The following FHOD3 variants were observed in gnomAD, a reference collection of about 807,000 sequenced individuals.
FHOD3 encodes the protein formin homology 2 domain containing 3.
In FHOD3, 90 loss-of-function variants were observed where a neutral mutation model predicts 173.0. The ratio of observed to expected loss-of-function variants is 0.52; its 90% CI spans 0.44 to 0.62. The LOEUF is 0.62. FHOD3 is among the 20% of genes least tolerant of loss of function. The pLI is 0.00. For synonymous variants in FHOD3, 828 were observed against 823.0 expected (o/e 1.01, Z -0.10); for missense variants, 1,945 against 2,034.7 (o/e 0.96, Z 0.85).
chr18:36,568,652 T>G (rs1329996753), intron 5 of FHOD3, among the ~76,000 whole-genome samples: 1 of 152,168 alleles, frequency 6.6e-6, no homozygotes, highest in Non-Finnish European at 1.5e-5. Flanking sequence ...CTCTGAAAAC[T>G]GAACTGATAT....
chr18:36,339,361 G>A lies in FHOD3; in HGVS notation c.166-16178G>A, dbSNP rs569779985. Among the ~76,000 whole-genome samples, 5 of 152,310 alleles carry A rather than the reference G, an allele frequency of 3.3e-5. No individual in the cohort carries two copies. The East Asian group carries it at 9.7e-4, about 29-fold the overall frequency. ...CATAGCCCAGAACCCAACAGGAAGTGTTGAGTGGTGGCCTGCCCTAGGACC... is the reference window on the plus strand; with the variant it reads ...CATAGCCCAGAACCCAACAGGAAGTATTGAGTGGTGGCCTGCCCTAGGACC... On this transcript the variant is annotated intron_variant, in intron 1 of 28. Transcript: ENST00000590592.
chr18:36,549,452 A>G (rs28881007), intron 5 of FHOD3, among the ~76,000 whole-genome samples: 94 of 151,534 alleles, frequency 6.2e-4, no homozygotes, highest in African/African-American at 2.2e-3. Context: ...CAAAGAGCAC[A>G]CATTCTTAAT....
At chr18:36,347,435 G>T (rs897431920) in intron 1 of FHOD3, among the ~76,000 whole-genome samples, 1 of 152,118 alleles carries the variant, frequency 6.6e-6, no homozygotes, top group Non-Finnish European at 1.5e-5. Context: ...TGGTGAGCTG[G>T]ACTCTTTTGT....
chr18:36,654,545 C>T (rs76527686), intron 13 of FHOD3, among the ~76,000 whole-genome samples: 2,649 of 152,182 alleles, frequency 0.017, 67 homozygotes, highest in African/African-American at 0.058. Context: ...AAAGCCAGTC[C>T]TTAGTCAAAT....
chr18:36,718,863 T>C, intron 19 of FHOD3, 148 bp downstream of exon 19: 2 of 1,348,562 alleles, frequency 1.5e-6, no homozygotes, highest in Non-Finnish European at 2.0e-6. Flanking sequence ...TAGTGTTCCT[T>C]CTGCCACATG....
intron 3 of FHOD3, among the ~76,000 whole-genome samples, chr18:36,402,367 T>G (rs947343508): frequency 6.6e-6 from 1 of 152,138 alleles, no homozygotes; most frequent in Non-Finnish European, 1.5e-5. Flanking sequence ...TATACACACA[T>G]AACCCATGCC....
chr18:36,575,232 A>T (rs1309119188), intron 5 of FHOD3, among the ~76,000 whole-genome samples: 16 of 152,164 alleles, frequency 1.1e-4, no homozygotes, highest in Admixed American at 1.0e-3. Flanking sequence ...TGGCCTCCCA[A>T]AGTGTTGGGA....
chr18:36,307,805 A>T (rs1455178115), intron 1 of FHOD3, among the ~76,000 whole-genome samples: 1 of 152,260 alleles, frequency 6.6e-6, no homozygotes, highest in Non-Finnish European at 1.5e-5. Context: ...CAGAATGAAC[A>T]CATGGATACA....
intron 15 of FHOD3, 45 bp from the exon 16 acceptor site, chr18:36,687,083 T>C (rs769845517): frequency 2.8e-6 from 4 of 1,425,930 alleles, no homozygotes; most frequent in South Asian, 1.2e-5. Flanking sequence ...TATCTAATTC[T>C]GTTACTTTCT....
rs374229168 is a variant in FHOD3, at chr18:36,769,230, G to T, written c.4625-35G>T. 5.0e-6 allele frequency: 8 copies of T among 1,607,578 alleles called. No individual in the cohort carries two copies. The African/African-American group carries it at 1.1e-4, about 22-fold the overall frequency. On this transcript the variant is annotated intron_variant, in intron 27 of 28. Transcript: ENST00000590592. ...CATATATCTTTTGTGTTTTCCTTCT[G>T]AGTATGTTGTGCACTCTGGCTGTTT...
chr18:36,577,168 A>G (rs2058685338), intron 6 of FHOD3, among the ~76,000 whole-genome samples: 1 of 152,158 alleles, frequency 6.6e-6, no homozygotes, highest in Non-Finnish European at 1.5e-5. Flanking sequence ...GTACATATAT[A>G]TTTATATGTT....
At chr18:36,510,713 G>A (rs780886567) in intron 4 of FHOD3, among the ~76,000 whole-genome samples, 5 of 152,214 alleles carry the variant, frequency 3.3e-5, no homozygotes, top group Non-Finnish European at 7.3e-5. Context: ...TATGGAGGGA[G>A]AGAGAATTAT....
At chr18:36,431,246 C>T (rs1276405293) in intron 3 of FHOD3, among the ~76,000 whole-genome samples, 1 of 152,136 alleles carries the variant, frequency 6.6e-6, no homozygotes, top group Non-Finnish European at 1.5e-5. Flanking sequence ...AGAAGATGGC[C>T]TAAAAGCTTT....
At chr18:36,488,825 G>T (rs1373878608) in intron 3 of FHOD3, among the ~76,000 whole-genome samples, 1 of 152,196 alleles carries the variant, frequency 6.6e-6, no homozygotes, top group Non-Finnish European at 1.5e-5. Flanking sequence ...GCACAGTGGT[G>T]CCTGAAATCA....
At chr18:36,554,135 G>A (rs1413654092) in intron 5 of FHOD3, among the ~76,000 whole-genome samples, 1 of 152,100 alleles carries the variant, frequency 6.6e-6, no homozygotes, top group East Asian at 1.9e-4. Flanking sequence ...TCCCACTACT[G>A]GGTATATACC....
At chr18:36,315,795 A>G (rs8086609) in intron 1 of FHOD3, among the ~76,000 whole-genome samples, 35,823 of 152,042 alleles carry the variant, frequency 0.24, 8,044 homozygotes, top group African/African-American at 0.59. Flanking sequence ...CGAGTACTCA[A>G]GCAGACACCC....
intron 5 of FHOD3, among the ~76,000 whole-genome samples, chr18:36,566,774 A>C (rs2058279441): frequency 6.6e-6 from 1 of 152,170 alleles, no homozygotes; most frequent in Admixed American, 6.5e-5. Flanking sequence ...GGAACAATTA[A>C]GGGAATTGGG....
At chr18:36,482,917 T>C (rs2054007067) in intron 3 of FHOD3, among the ~76,000 whole-genome samples, 1 of 148,494 alleles carries the variant, frequency 6.7e-6, no homozygotes. Context: ...GTAGACTACC[T>C]GCCAGGTTTA....
chr18:36,420,697 A>C (rs1030632049), intron 3 of FHOD3, among the ~76,000 whole-genome samples: 3 of 152,170 alleles, frequency 2.0e-5, no homozygotes, highest in African/African-American at 4.8e-5. Flanking sequence ...ACCATCTTCT[A>C]GGAGAGGGGT....
Sources: allele counts gnomAD v4.1 joint callset (sites outside exome capture counted in the v4.1 genomes callset), GRCh38; gene constraint gnomAD v4.1.1; transcripts MANE v1.5; gene names NCBI Gene and HGNC (gene_info 2026-07-23, HGNC 2026-07-21).